Variants in SLC39A11 observed in about 807,000 individuals in gnomAD.
The protein encoded by SLC39A11 is zinc transporter ZIP11.
In SLC39A11, 33 loss-of-function variants were observed where a neutral mutation model predicts 36.1. The ratio of observed to expected loss-of-function variants is 0.91; its 90% confidence interval spans 0.69 to 1.22. The LOEUF (loss-of-function observed/expected upper bound fraction) is 1.22. SLC39A11 is among the 50% of genes most tolerant of loss of function. The probability of loss-of-function intolerance (pLI) is 0.00; values close to 1 mark genes in which losing one functional copy is unlikely to be tolerated. For synonymous variants in SLC39A11, 166 were observed against 170.3 expected, an observed-to-expected ratio of 0.97 and a Z score of 0.20; for missense variants, 432 against 430.3, an observed-to-expected ratio of 1.00 and a Z score of -0.03.
intron 6 of SLC39A11, among the ~76,000 whole-genome samples, chr17:72,743,427 A>T (rs1212203317): frequency 6.6e-6 from 1 of 152,168 alleles, no homozygotes. Flanking sequence ...ACAAAAGTTC[A>T]CAAATGAGCA....
chr17:72,758,203 G>A (rs893693368), intron 6 of SLC39A11, among the ~76,000 whole-genome samples: 1 of 152,094 alleles, frequency 6.6e-6, no homozygotes, highest in African/African-American at 2.4e-5. Context: ...AGTATTTATT[G>A]AATAAGTAAA....
At chr17:72,757,221 G>A (rs1331224751) in intron 6 of SLC39A11, among the ~76,000 whole-genome samples, 1 of 151,942 alleles carries the variant, frequency 6.6e-6, no homozygotes, top group African/African-American at 2.4e-5. Context: ...GTGGTTCAAG[G>A]TTCAAGGCCT....
chr17:72,871,056 G>GTTT (rs34776144), intron 5 of SLC39A11, among the ~76,000 whole-genome samples: 3 of 124,314 alleles, frequency 2.4e-5, no homozygotes, highest in Admixed American at 8.0e-5. Context: ...TTTTGTTTTT[G>GTTT]TTTTTTTTTT....
At position 72,882,874 on chromosome 17, in the gene SLC39A11, G is replaced by A. The variant is rs113167640; in HGVS notation, c.431-33070C>T. 6.8e-3 allele frequency among the ~76,000 whole-genome samples: 1,011 copies of A among 148,248 alleles called. 11 individuals are homozygous for A. The highest frequency in any genetic ancestry group is 0.024 in the African/African-American group (953 of 39,984). ...TGCAATGGCGCGATCTCAGCTCACC[G>A]CAACCTCTGTCTCCCAGGTTCAAGC... On this transcript the variant is annotated intron_variant, in intron 5 of 9. Transcript: ENST00000255559.
At chr17:73,089,869 T>C (rs1023959921) in intron 1 of SLC39A11, 3 of 152,118 alleles carry the variant, frequency 2.0e-5, no homozygotes, top group African/African-American at 7.2e-5. Flanking sequence ...CCAGAGAACC[T>C]CCTCCAGACT....
At chr17:73,044,516 T>C (rs896400966) in intron 3 of SLC39A11, among the ~76,000 whole-genome samples, 6 of 152,198 alleles carry the variant, frequency 3.9e-5, no homozygotes, top group Admixed American at 1.3e-4. Flanking sequence ...TTAGAAGTCA[T>C]TAGTTGGTGG....
Position 72,975,507 on chromosome 17 carries a change from C to G in SLC39A11, c.307-27632G>C, listed in dbSNP as rs139129089. On this transcript the variant is annotated intron_variant, in intron 4 of 9. Coordinates refer to ENST00000255559, the MANE Select transcript of SLC39A11 (RefSeq NM_139177.4). The stretch of plus-strand genomic sequence containing the variant: ...TCTTAGAGAGCTGCCTCACCCCTTC[C>G]GCCATGTAAGGACACAGTGAGAAGG... Among the ~76,000 whole-genome samples the G allele has an allele frequency of 2.8e-3, 430 of 152,268 alleles. 4 individuals are homozygous for G. The highest frequency in any genetic ancestry group is 9.9e-3 in the African/African-American group (413 of 41,562).
In SLC39A11 at chr17:72,755,819, C is replaced by T. The variant is rs201343736; in HGVS notation, c.602-19100G>A. On this transcript the variant is annotated intron_variant, in intron 6 of 9. Coordinates refer to ENST00000255559, the MANE Select transcript of SLC39A11 (RefSeq NM_139177.4). ...GTGCTTCTCTCCTCAGCTGCCACCA[C>T]GTGGAATCTGCTCTCCCCACTGGTA... is the stretch of plus-strand genomic sequence containing the variant. Among the ~76,000 whole-genome samples the T allele has an allele frequency of 1.7e-4, 26 of 152,280 alleles. No individual in the cohort carries two copies. The East Asian group carries it at 4.3e-3, about 25-fold the overall frequency.
intron 6 of SLC39A11, among the ~76,000 whole-genome samples, chr17:72,749,432 A>T (rs2075065993): frequency 6.6e-6 from 1 of 152,202 alleles, no homozygotes; most frequent in South Asian, 2.1e-4. Flanking sequence ...GGACAGGCTT[A>T]TGTTCTGGGG....
At chr17:72,905,633 C>G (rs975709521) in intron 5 of SLC39A11, among the ~76,000 whole-genome samples, 3 of 152,046 alleles carry the variant, frequency 2.0e-5, no homozygotes, top group African/African-American at 7.2e-5. Context: ...TCTTGGTCAC[C>G]CAGGCTGGAG....
At chr17:72,728,588 T>C (rs1418111590) in intron 7 of SLC39A11, among the ~76,000 whole-genome samples, 2 of 152,206 alleles carry the variant, frequency 1.3e-5, no homozygotes, top group African/African-American at 2.4e-5. Context: ...GTAGCACATA[T>C]GGAGCCAAAG....
chr17:73,001,850 A>G (rs539931728), intron 4 of SLC39A11, among the ~76,000 whole-genome samples: 1 of 152,308 alleles, frequency 6.6e-6, no homozygotes, highest in Non-Finnish European at 1.5e-5. Flanking sequence ...AGGCTGTACC[A>G]GGGCAATGGA....
At chr17:73,013,719 C>T (rs115437676) in intron 4 of SLC39A11, among the ~76,000 whole-genome samples, 1,573 of 151,766 alleles carry the variant, frequency 0.01, 35 homozygotes, top group African/African-American at 0.034. Context: ...CATCAGCTAT[C>T]GTTAGTATTT....
intron 6 of SLC39A11, among the ~76,000 whole-genome samples, chr17:72,836,002 G>T (rs774020116): frequency 2.0e-5 from 3 of 152,080 alleles, no homozygotes; most frequent in Non-Finnish European, 4.4e-5. Flanking sequence ...GGTGTGCAGG[G>T]GCCTCACAGG....
chr17:72,758,969 TG>T (rs2075465731), intron 6 of SLC39A11, among the ~76,000 whole-genome samples: 1 of 152,068 alleles, frequency 6.6e-6, no homozygotes, highest in African/African-American at 2.4e-5. Context: ...CCGGGTGTGG[TG>T]GATGCCTATA....
At chr17:72,954,237 G>C (rs1309915414) in intron 4 of SLC39A11, among the ~76,000 whole-genome samples, 2 of 152,142 alleles carry the variant, frequency 1.3e-5, no homozygotes, top group African/African-American at 4.8e-5. Context: ...GTAGAAACAG[G>C]GTTTCACCAT....
At chr17:72,762,532 C>T (rs2075624523) in intron 6 of SLC39A11, among the ~76,000 whole-genome samples, 1 of 152,132 alleles carries the variant, frequency 6.6e-6, no homozygotes, top group South Asian at 2.1e-4. Flanking sequence ...CAAGAAGTAA[C>T]CATAAAAATG....
intron 6 of SLC39A11, among the ~76,000 whole-genome samples, chr17:72,759,111 C>CAAGAATAATAATAATAATAATAATAAT (rs2075472762): frequency 6.9e-6 from 1 of 144,550 alleles, no homozygotes; most frequent in South Asian, 2.1e-4. Context: ...AAAATAATAA[C>CAAGAATAATAATAATAATAATAATAAT]AATAATAATA....
intron 7 of SLC39A11, among the ~76,000 whole-genome samples, chr17:72,735,223 G>A (rs540156237): frequency 6.6e-6 from 1 of 152,262 alleles, no homozygotes; most frequent in Non-Finnish European, 1.5e-5. Flanking sequence ...CATGGAGCAG[G>A]CACGCTTCTT....
Sources: gnomAD v4.1 joint callset for allele counts (sites outside exome capture counted in the v4.1 genomes callset) on GRCh38, gnomAD v4.1.1 for gene constraint, MANE v1.5 for transcripts, NCBI Gene and HGNC (gene_info 2026-07-23, HGNC 2026-07-21) for gene names.